CSNK1G2: variants seen among roughly 807,000 people sequenced by gnomAD.
The protein encoded by CSNK1G2 is casein kinase 1 gamma 2.
Under a neutral mutation model 48.0 loss-of-function variants are expected in CSNK1G2, and 11 were observed. The observed-to-expected ratio is 0.23, with a 90% confidence interval of 0.14 to 0.38. The LOEUF (loss-of-function observed/expected upper bound fraction) is 0.38. Among genes scored for constraint, CSNK1G2 ranks in the 10% least tolerant of loss-of-function variants. The probability of loss-of-function intolerance (pLI) is 1.00; values close to 1 mark genes in which losing one functional copy is unlikely to be tolerated. For synonymous variants in CSNK1G2, 337 were observed against 254.1 expected (o/e 1.33, Z -3.10); for missense variants, 446 against 595.5 (o/e 0.75, Z 2.61).
In CSNK1G2 at chr19:1,957,835, G is replaced by A. The variant is rs902044175; in HGVS notation, c.-265-11673G>A. Among the ~76,000 whole-genome samples the A allele has an allele frequency of 2.0e-4, 31 of 152,038 alleles. No individual in the cohort carries two copies. Among genetic ancestry groups the A allele is most frequent in the African/African-American group, 7.2e-4 (30 of 41,486 alleles). On this transcript the variant is annotated intron_variant, in intron 1 of 11. Coordinates refer to ENST00000255641, the MANE Select transcript of CSNK1G2 (RefSeq NM_001319.7). The surrounding 1 kb of genome is among the most constrained non-coding windows in gnomAD (Gnocchi z 5.4). Reference sequence around the variant, plus strand: ...CGGGCGCCGTGTTTGTGGGGTGGGAGCTAGGCGGGCGCCGTTTATGTGGGG... The same window carrying A: ...CGGGCGCCGTGTTTGTGGGGTGGGAACTAGGCGGGCGCCGTTTATGTGGGG...
chr19:1,943,718 G>T (rs76516017), intron 1 of CSNK1G2, among the ~76,000 whole-genome samples: 1 of 152,170 alleles, frequency 6.6e-6, no homozygotes. Flanking sequence ...CCACTGGGAC[G>T]GACGGAAGCT....
chr19:1,980,273 T>C lies in CSNK1G2; in HGVS notation c.*70T>C. 6.3e-7 allele frequency: 1 copy of C among 1,578,000 alleles called. No homozygotes were observed. Among genetic ancestry groups the C allele is most frequent in the South Asian group, 1.1e-5 (1 of 89,932 alleles). On this transcript the variant is annotated 3_prime_UTR_variant, in exon 12 of 12. Coordinates refer to ENST00000255641, the MANE Select transcript of CSNK1G2 (RefSeq NM_001319.7). ...TGGGGCGCGACCTTGTGCGAGGCCC[T>C]CGGGGCCCACCCACAGCGGCCCAGG...
At chr19:1,963,302 C>G (rs1021800885) in intron 1 of CSNK1G2, among the ~76,000 whole-genome samples, 2 of 152,160 alleles carry the variant, frequency 1.3e-5, no homozygotes, top group African/African-American at 4.8e-5. Flanking sequence ...AGCTCCACCT[C>G]CCGGGTTCAT....
At chr19:1,980,083 G>T in intron 11 of CSNK1G2, 66 bp downstream of exon 11, 1 of 1,603,732 alleles carries the variant, frequency 6.2e-7, no homozygotes, top group Admixed American at 1.7e-5. Context: ...GGGTGGGAGG[G>T]CCTGAGGCCT....
At position 1,972,249 on chromosome 19, in the gene CSNK1G2, T is replaced by C. The variant is rs138311056; in HGVS notation, c.187+2290T>C. Among the ~76,000 whole-genome samples the C allele has an allele frequency of 4.5e-3, 684 of 152,356 alleles. 7 individuals carry two copies. The highest frequency in any genetic ancestry group is 0.015 in the African/African-American group (642 of 41,584). On this transcript the variant is annotated intron_variant, in intron 2 of 11. Coordinates refer to ENST00000255641, the MANE Select transcript of CSNK1G2 (RefSeq NM_001319.7). ...CAGCGCAGGGACGCTTGGCTGTTTC[T>C]GGATTTGGGCCCTTCTGAATAGAAC...
chr19:1,953,135 C>T (rs1228684957), intron 1 of CSNK1G2: 1 of 379,400 alleles, frequency 2.6e-6, no homozygotes, highest in Non-Finnish European at 5.1e-6. Flanking sequence ...ATGGGAGCCA[C>T]CCCGGGTCCC....
In CSNK1G2 at chr19:1,979,353, G is replaced by A; in HGVS notation, c.803G>A (p.Gly268Glu). ...DTLKERYQKI[G>E]DTKRATPIEV... Reference sequence around the variant, plus strand: ...CTCAAGGAGCGGTACCAGAAGATCGGGGACACCAAACGCGCCACGCCCATC... The same window carrying A: ...CTCAAGGAGCGGTACCAGAAGATCGAGGACACCAAACGCGCCACGCCCATC... Residue 268 changes from glycine to glutamate, a missense_variant, in exon 8 of 12, where the codon GGG becomes GAG. Around this residue, in one of 2 missense-constraint regions of CSNK1G2, gnomAD observed 258 missense variants for 415.9 expected, o/e 0.62. Coordinates refer to ENST00000255641, the MANE Select transcript of CSNK1G2 (RefSeq NM_001319.7). 1 of 1,606,288 alleles carries A rather than the reference G, an allele frequency of 6.2e-7. No individual in the cohort carries two copies. Among genetic ancestry groups the A allele is most frequent in the Non-Finnish European group, 8.5e-7 (1 of 1,177,452 alleles).
chr19:1,969,599 C>T lies in CSNK1G2; in HGVS notation c.-174C>T, dbSNP rs997246064. 1.1e-5 allele frequency: 5 copies of T among 469,530 alleles called. No homozygotes were observed. In the Admixed American group the frequency reaches 1.8e-4, roughly 17 times the overall value. The allele number at this position is 469,530 out of a possible 1,614,324, so 29.1% of individuals were successfully genotyped here. A position where few individuals can be genotyped will look rare whatever the true frequency, so the allele number is the denominator to read the frequency against. On this transcript the variant is annotated 5_prime_UTR_variant, in exon 2 of 12. Coordinates refer to ENST00000255641, the MANE Select transcript of CSNK1G2 (RefSeq NM_001319.7). The stretch of plus-strand genomic sequence containing the variant: ...CCCGAGGCCACTGAGAAGAGCAGCG[C>T]GGCCTGGCCGGCCCGAACGCCTGCG...
intron 1 of CSNK1G2, among the ~76,000 whole-genome samples, chr19:1,951,206 C>T (rs1053626673): frequency 6.2e-5 from 9 of 144,976 alleles, no homozygotes; most frequent in Non-Finnish European, 9.0e-5. Flanking sequence ...TTGAGACCAT[C>T]CTGGCTCTAC....
chr19:1,949,965 CAGAT>C (rs1200713618), intron 1 of CSNK1G2, among the ~76,000 whole-genome samples: 1 of 152,228 alleles, frequency 6.6e-6, no homozygotes, highest in Non-Finnish European at 1.5e-5. Flanking sequence ...GTGGGACAGA[CAGAT>C]GGATGTGCTG....
rs776709905 is a variant in CSNK1G2, at chr19:1,980,280, C to T, written c.*77C>T. ...CGACCTTGTGCGAGGCCCTCGGGGC[C>T]CACCCACAGCGGCCCAGGGCCAGAC... On this transcript the variant is annotated 3_prime_UTR_variant, in exon 12 of 12. Transcript: ENST00000255641. 62 of 1,554,642 alleles carry T rather than the reference C, an allele frequency of 4.0e-5. No individual in the cohort carries two copies. In the Admixed American group the frequency reaches 1.0e-3, roughly 26 times the overall value.
At chr19:1,941,447 C>T (rs2014354618) in intron 1 of CSNK1G2, 29 bp downstream of exon 1, 2 of 148,146 alleles carry the variant, frequency 1.4e-5, no homozygotes, top group African/African-American at 2.5e-5. Context: ...GCCCCGGCCC[C>T]TTCGCCCCCT....
Position 1,978,655 on chromosome 19 carries a change from G to A in CSNK1G2, c.352G>A (p.Val118Met). ...FGPCGKYNAM[V>M]LELLGPSLED... is the part of the protein sequence containing the mutation. ...TCCGTGCGGGAAGTACAACGCCATG[G>A]TGCTGGAGCTGCTGGGGCCCAGCCT... Residue 118 changes from valine to methionine, a missense_variant, in exon 5 of 12, where the codon GTG becomes ATG. Physicochemically the swap from Val to Met is conservative, Grantham distance 21. This residue lies in a region of CSNK1G2 where 258 missense variants were observed against 415.9 expected (regional missense o/e 0.62). Transcript: ENST00000255641. The surrounding 1 kb of genome is among the most constrained non-coding windows in gnomAD (Gnocchi z 7.3). The A allele has an allele frequency of 6.2e-7, 1 of 1,607,456 alleles. No homozygotes were observed.
intron 2 of CSNK1G2, chr19:1,975,655 A>G: frequency 1.0e-6 from 1 of 985,308 alleles, no homozygotes; most frequent in Non-Finnish European, 1.2e-6. Context: ...AGGACACGCA[A>G]ATGCTGGACT....
At chr19:1,942,303 G>A (rs992655668) in intron 1 of CSNK1G2, among the ~76,000 whole-genome samples, 2 of 152,266 alleles carry the variant, frequency 1.3e-5, no homozygotes, top group African/African-American at 4.8e-5. Context: ...TCCCGTTGAG[G>A]GGCGTGGGGG....
At position 1,969,564 on chromosome 19, in the gene CSNK1G2, C is replaced by T. The variant is rs529529273; in HGVS notation, c.-209C>T. 1.8e-5 allele frequency: 7 copies of T among 392,716 alleles called. No homozygotes were observed. The highest frequency in any genetic ancestry group is 1.1e-4 in the East Asian group (3 of 26,780). The allele number at this position is 392,716 out of a possible 1,614,324, so 24.3% of individuals were successfully genotyped here. A position where few individuals can be genotyped will look rare whatever the true frequency, so the allele number is the denominator to read the frequency against. On this transcript the variant is annotated 5_prime_UTR_variant, in exon 2 of 12. It introduces an in-frame stop codon into an upstream open reading frame of the 5' UTR. Coordinates refer to ENST00000255641, the MANE Select transcript of CSNK1G2 (RefSeq NM_001319.7). ...GTGTCAGCAGAATGTCTCCTGCCCC[C>T]GAGAGCGACCCCGAGGCCACTGAGA...
intron 2 of CSNK1G2, among the ~76,000 whole-genome samples, chr19:1,971,834 A>G (rs1365528177): frequency 1.3e-5 from 2 of 149,072 alleles, no homozygotes; most frequent in African/African-American, 2.5e-5. Context: ...CAGTGGCGCA[A>G]TCTCGGCTCA....
chr19:1,953,081 G>A (rs949623277), intron 1 of CSNK1G2: 7 of 397,032 alleles, frequency 1.8e-5, no homozygotes, highest in Non-Finnish European at 2.9e-5. Flanking sequence ...TCATGGTTAC[G>A]CTTCTGGAAG....
intron 1 of CSNK1G2, among the ~76,000 whole-genome samples, chr19:1,968,477 G>A (rs917131938): frequency 6.6e-6 from 1 of 152,146 alleles, no homozygotes; most frequent in Non-Finnish European, 1.5e-5. Context: ...TGGCCCCCTC[G>A]CTCCAGAGAG....
Sources: gnomAD v4.1 joint callset for allele counts (sites outside exome capture counted in the v4.1 genomes callset) on GRCh38, gnomAD v4.1.1 for gene constraint, gnomAD v4.1.1 regional missense constraint, Gnocchi (gnomAD v3.1) non-coding constraint, MANE v1.5 for transcripts, NCBI Gene and HGNC (gene_info 2026-07-23, HGNC 2026-07-21) for gene names.